The following RSBN1L variants were observed in gnomAD, a reference collection of about 807,000 sequenced individuals.
RSBN1L encodes lysine-specific demethylase RSBN1L.
In RSBN1L, 30 loss-of-function variants were observed where a neutral mutation model predicts 67.7. That is an observed-to-expected ratio of 0.44 (90% CI 0.33 to 0.60). The LOEUF is 0.60. Among genes scored for constraint, RSBN1L ranks in the 20% least tolerant of loss-of-function variants. The pLI is 0.02. For missense variants in RSBN1L, 992 were observed against 1,031.7 expected (o/e 0.96, Z 0.53); for synonymous variants, 433 against 387.0 (o/e 1.12, Z -1.39).
intron 2 of RSBN1L, among the ~76,000 whole-genome samples, chr7:77,746,261 G>C (rs1791482670): frequency 6.6e-6 from 1 of 152,320 alleles, no homozygotes; most frequent in East Asian, 1.9e-4. Context: ...CATCTGCTCA[G>C]CTTTCGGGAG....
chr7:77,704,973 G>A (rs1790867703), intron 1 of RSBN1L, among the ~76,000 whole-genome samples: 1 of 134,834 alleles, frequency 7.4e-6, no homozygotes, highest in African/African-American at 3.1e-5. Context: ...GAGTGAAACT[G>A]TCTCAAAAAA....
At chr7:77,720,998 T>G (rs1343257415) in intron 1 of RSBN1L, among the ~76,000 whole-genome samples, 1 of 151,676 alleles carries the variant, frequency 6.6e-6, no homozygotes, top group Non-Finnish European at 1.5e-5. Context: ...TGCCTCGGCA[T>G]GCCAAAGTGC....
chr7:77,701,164 AAAAAAACAAC>A (rs1790812103), intron 1 of RSBN1L, among the ~76,000 whole-genome samples: 1 of 114,320 alleles, frequency 8.7e-6, no homozygotes, highest in African/African-American at 4.0e-5. Context: ...AAAAAAAAAA[AAAAAAACAAC>A]AACAACAACA....
Position 77,736,519 on chromosome 7 carries a change from G to A in RSBN1L, c.696G>A (p.Leu232=), listed in dbSNP as rs1279007871. The A allele has an allele frequency of 2.3e-6, 3 of 1,310,326 alleles. No individual in the cohort carries two copies. Among genetic ancestry groups the A allele is most frequent in the East Asian group, 5.3e-5 (2 of 37,822 alleles). 81.2% of individuals were successfully genotyped at this position (1,310,326 alleles called of 1,614,324 possible). Residue 232 remains leucine (L), a synonymous_variant, in exon 2 of 8, where the codon TTG becomes TTA. Transcript: ENST00000334955. Reference sequence around the variant, plus strand: ...AAGAGAATGGAGAAGTAAAGATTTTGCTGAAAAGTAAGTTTTATTCAGTGA... The same window carrying A: ...AAGAGAATGGAGAAGTAAAGATTTTACTGAAAAGTAAGTTTTATTCAGTGA... ...IKKENGEVKI[L]LKSGKEKPKT...
chr7:77,728,562 C>T (rs1455941337), intron 1 of RSBN1L, among the ~76,000 whole-genome samples: 1 of 152,226 alleles, frequency 6.6e-6, no homozygotes, highest in East Asian at 1.9e-4. Flanking sequence ...TCAACAGCCA[C>T]CCTGATTTGG....
intron 3 of RSBN1L, among the ~76,000 whole-genome samples, chr7:77,752,971 G>A (rs9986891): frequency 0.57 from 87,431 of 152,070 alleles, 27,012 homozygotes; most frequent in African/African-American, 0.81. Flanking sequence ...TCCATCTTGT[G>A]TGTAGTGGTA....
At chr7:77,719,526 A>C in intron 1 of RSBN1L, among the ~76,000 whole-genome samples, 1 of 152,250 alleles carries the variant, frequency 6.6e-6, no homozygotes, top group East Asian at 1.9e-4. Flanking sequence ...TTGATATAGT[A>C]GCTATAGACA....
At position 77,778,348 on chromosome 7, in the gene RSBN1L, C is replaced by A. The variant is rs767771922; in HGVS notation, c.1804C>A (p.Pro602Thr). The A allele has an allele frequency of 1.9e-6, 3 of 1,606,982 alleles. No homozygotes were observed. The highest frequency in any genetic ancestry group is 2.5e-6 in the Non-Finnish European group (3 of 1,177,216). The change falls in exon 7 of 8, where the codon CCC (proline) becomes ACC (threonine). Residue 602 changes from proline to threonine, a missense_variant. Physicochemically the swap from Pro to Thr is conservative, Grantham distance 38 (BLOSUM62 -1). This residue lies in a region of RSBN1L where 31 missense variants were observed against 24.5 expected (regional missense o/e 1.26). Transcript: ENST00000334955. ...CGTTTTCTTTTTTAGGCCTGATCAACCCCGTATAACCAAAGATGTAATTTG... is the reference window on the plus strand; with the variant it reads ...CGTTTTCTTTTTTAGGCCTGATCAAACCCGTATAACCAAAGATGTAATTTG... The part of the protein sequence containing the change: ...AVHCGEWPDQ[P>T]RITKDVICFH...
At chr7:77,739,737 G>GTGTTTTTTTTT (rs1562801652) in intron 2 of RSBN1L, among the ~76,000 whole-genome samples, 1 of 61,180 alleles carries the variant, frequency 1.6e-5, no homozygotes, top group African/African-American at 7.1e-5. Context: ...AAAAAAATGT[G>GTGTTTTTTTTT]TCTTTTTTTT....
At chr7:77,719,840 C>A (rs1192603843) in intron 1 of RSBN1L, among the ~76,000 whole-genome samples, 1 of 152,226 alleles carries the variant, frequency 6.6e-6, no homozygotes, top group African/African-American at 2.4e-5. Context: ...TCATGGCTCA[C>A]TGCAGCCTCA....
chr7:77,773,668 C>G (rs986258817), intron 6 of RSBN1L, among the ~76,000 whole-genome samples: 4 of 152,254 alleles, frequency 2.6e-5, no homozygotes, highest in African/African-American at 7.2e-5. Flanking sequence ...GAGCCTGAGG[C>G]AGGAGAATTG....
intron 1 of RSBN1L, among the ~76,000 whole-genome samples, chr7:77,701,189 C>CAAA (rs1227412677): frequency 3.0e-5 from 4 of 132,748 alleles, no homozygotes; most frequent in South Asian, 2.5e-4. Flanking sequence ...ACAACAACAA[C>CAAA]AAAAAAAAAC....
At chr7:77,702,540 T>A (rs1172044954) in intron 1 of RSBN1L, among the ~76,000 whole-genome samples, 2 of 152,200 alleles carry the variant, frequency 1.3e-5, no homozygotes, top group Non-Finnish European at 2.9e-5. Flanking sequence ...GTGTTTTTAA[T>A]CTTCATTTCT....
rs1790748599 is a variant in RSBN1L at position 77,697,184 on chromosome 7, G to A, written c.586+129G>A. ...GGCCTGGAGGGGCTGGGAGGCGTCCGGTTTTCAGCAGAGGATTTTGCAGTT... is the reference window on the plus strand; with the variant it reads ...GGCCTGGAGGGGCTGGGAGGCGTCCAGTTTTCAGCAGAGGATTTTGCAGTT... On this transcript the variant is annotated intron_variant, in intron 1 of 7. Coordinates refer to ENST00000334955, the MANE Select transcript of RSBN1L (RefSeq NM_198467.3). 6 of 1,058,770 alleles carry A rather than the reference G, an allele frequency of 5.7e-6. No homozygotes were observed. In the South Asian group the frequency reaches 2.3e-4, roughly 40 times the overall value. 65.6% of individuals were successfully genotyped at this position (1,058,770 alleles called of 1,614,324 possible).
chr7:77,776,198 T>C (rs1791912511), intron 6 of RSBN1L, among the ~76,000 whole-genome samples: 1 of 152,148 alleles, frequency 6.6e-6, no homozygotes, highest in Admixed American at 6.5e-5. Context: ...ATTTGCAACT[T>C]TAATATTGGA....
At chr7:77,745,434 C>G (rs1791469571) in intron 2 of RSBN1L, among the ~76,000 whole-genome samples, 1 of 152,154 alleles carries the variant, frequency 6.6e-6, no homozygotes, top group Admixed American at 6.5e-5. Flanking sequence ...TATCATTTCA[C>G]TCTAAATTAA....
intron 1 of RSBN1L, among the ~76,000 whole-genome samples, chr7:77,723,456 A>G (rs1189181211): frequency 1.3e-5 from 2 of 152,084 alleles, no homozygotes; most frequent in African/African-American, 4.8e-5. Flanking sequence ...ATACATATAT[A>G]ATTTATTTTT....
At chr7:77,722,011 G>A (rs1489134918) in intron 1 of RSBN1L, among the ~76,000 whole-genome samples, 1 of 152,196 alleles carries the variant, frequency 6.6e-6, no homozygotes, top group African/African-American at 2.4e-5. Flanking sequence ...TTTTAACGAA[G>A]TATAAACTGA....
At chr7:77,713,617 A>G (rs2150414100) in intron 1 of RSBN1L, among the ~76,000 whole-genome samples, 1 of 151,130 alleles carries the variant, frequency 6.6e-6, no homozygotes, top group African/African-American at 2.4e-5. Context: ...TGGCCTCCCA[A>G]AGTGCTGGGA....
Sources: gnomAD v4.1 joint callset for allele counts (sites outside exome capture counted in the v4.1 genomes callset) on GRCh38, gnomAD v4.1.1 for gene constraint, gnomAD v4.1.1 regional missense constraint, MANE v1.5 for transcripts, NCBI Gene and HGNC (gene_info 2026-07-23, HGNC 2026-07-21) for gene names.